The following B4GALNT2 variants were observed in gnomAD, a reference collection of about 807,000 sequenced individuals.
B4GALNT2 encodes the protein beta-1,4-N-acetyl-galactosaminyltransferase 2 (SID blood group), also known as N-acetylneuraminylgalactosylglucosyl-glucoside beta-1,4-N- acetylgalactosaminyltransferase 2.
In B4GALNT2, 42 loss-of-function variants were observed where a neutral mutation model predicts 51.1. The ratio of observed to expected loss-of-function variants is 0.82; its 90% CI spans 0.64 to 1.06. B4GALNT2 has a LOEUF of 1.06. Ranked by LOEUF, B4GALNT2 falls within the 50% of genes least tolerant of loss-of-function variation. The pLI is 0.00. For missense variants in B4GALNT2, 602 were observed against 633.6 expected (o/e 0.95, Z 0.54); for synonymous variants, 253 against 251.7 (o/e 1.01, Z -0.05).
intron 1 of B4GALNT2, among the ~76,000 whole-genome samples, chr17:49,134,024 G>T (rs1253356526): frequency 6.6e-6 from 1 of 152,180 alleles, no homozygotes; most frequent in Admixed American, 6.5e-5. Context: ...ATCCATCCAC[G>T]TCCTTGGCTA....
intron 1 of B4GALNT2, among the ~76,000 whole-genome samples, chr17:49,140,341 C>T (rs550042876): frequency 1.3e-5 from 2 of 152,254 alleles, no homozygotes; most frequent in East Asian, 3.9e-4. Context: ...ACCTCGTGAT[C>T]CACCCGCCTT....
intron 1 of B4GALNT2, among the ~76,000 whole-genome samples, chr17:49,136,399 C>T (rs971202790): frequency 6.6e-6 from 1 of 151,778 alleles, no homozygotes; most frequent in Non-Finnish European, 1.5e-5. Context: ...TTCAGGCATA[C>T]AATCGAATAA....
At chr17:49,139,969 T>C (rs1332746369) in intron 1 of B4GALNT2, among the ~76,000 whole-genome samples, 3 of 151,462 alleles carry the variant, frequency 2.0e-5, no homozygotes, top group Admixed American at 6.6e-5. Flanking sequence ...ATGAATAGAT[T>C]GAGATACCTT....
intron 3 of B4GALNT2, among the ~76,000 whole-genome samples, chr17:49,145,985 A>T (rs868534455): frequency 5.3e-5 from 8 of 152,180 alleles, no homozygotes; most frequent in African/African-American, 1.7e-4. Flanking sequence ...CCAGCAGAAC[A>T]TAATGTTGCG....
At chr17:49,142,268 A>G in intron 3 of B4GALNT2, 96 bp downstream of exon 3, 1 of 1,492,972 alleles carries the variant, frequency 6.7e-7, no homozygotes, top group Non-Finnish European at 9.1e-7. Flanking sequence ...AGCAGGAAGG[A>G]ATTCTCTCTC....
At chr17:49,128,581 A>G (rs1401753412), upstream of B4GALNT2, among the ~76,000 whole-genome samples, 3 of 152,176 alleles carry the variant, frequency 2.0e-5, no homozygotes, top group Non-Finnish European at 4.4e-5. Flanking sequence ...AAGTAGAAGA[A>G]AGCCTGGCCT....
chr17:49,144,129 G>A (rs1248493158), intron 3 of B4GALNT2, among the ~76,000 whole-genome samples: 5 of 152,012 alleles, frequency 3.3e-5, no homozygotes, highest in Non-Finnish European at 7.4e-5. Context: ...CTCCAGTCTG[G>A]GTGACAGAGT....
chr17:49,133,400 T>C (rs1700268003), intron 1 of B4GALNT2, among the ~76,000 whole-genome samples: 1 of 151,932 alleles, frequency 6.6e-6, no homozygotes, highest in African/African-American at 2.4e-5. Flanking sequence ...CTCTACGGAG[T>C]GATATAATAA....
At chr17:49,165,455 ACTCT>A (rs1416436328) in intron 8 of B4GALNT2, among the ~76,000 whole-genome samples, 1 of 34,512 alleles carries the variant, frequency 2.9e-5, no homozygotes, top group Non-Finnish European at 5.2e-5. Flanking sequence ...CTCACTCCCC[ACTCT>A]CTCTTTCTCT....
rs554531643 is a variant in B4GALNT2 at position 49,142,250 on chromosome 17, A to C, written c.353+78A>C. ...CTATGTCCTGAGGTTGTGAATCTTA[A>C]GAGAAAAAGCAGGAAGGAATTCTCT... On this transcript the variant is annotated intron_variant, in intron 3 of 10. Transcript: ENST00000393354. 4.1e-3 allele frequency: 6,409 copies of C among 1,561,398 alleles called. 54 individuals carry two copies. Among genetic ancestry groups the C allele is most frequent in the Middle Eastern group, 0.019 (112 of 5,852 alleles).
At chr17:49,125,820 TA>T in the B4GALNT2 span, among the ~76,000 whole-genome samples, 1 of 17,818 alleles carries the variant, frequency 5.6e-5, no homozygotes, top group Admixed American at 5.5e-4. Context: ...CGGCCGCCCC[TA>T]CTGGGAAGTG....
At chr17:49,155,730 T>C (rs2042803303) in intron 4 of B4GALNT2, among the ~76,000 whole-genome samples, 1 of 151,048 alleles carries the variant, frequency 6.6e-6, no homozygotes, top group African/African-American at 2.4e-5. Context: ...TTTGTTTTTG[T>C]TTTTGTTTTT....
chr17:49,168,890 G>T lies in B4GALNT2; in HGVS notation c.1305G>T (p.Val435=). ...RVGFDPRLQR[V]AHSEFFIDGL... ...GCTTTGATCCCCGCCTGCAACGAGT[G>T]GCTCACTCAGGTGGGAAGGCTGAAA... Residue 435 remains valine (V), a synonymous_variant, in exon 10 of 11, where the codon GTG becomes GTT. Coordinates refer to ENST00000393354, the MANE Select transcript of B4GALNT2 (RefSeq NM_001159387.2). The T allele has an allele frequency of 6.2e-7, 1 of 1,612,198 alleles. No homozygotes were observed. Among genetic ancestry groups the T allele is most frequent in the South Asian group, 1.1e-5 (1 of 90,904 alleles).
intron 5 of B4GALNT2, among the ~76,000 whole-genome samples, chr17:49,156,821 G>A (rs1402192277): frequency 6.6e-6 from 1 of 152,196 alleles, no homozygotes; most frequent in African/African-American, 2.4e-5. Flanking sequence ...TGAAGAATGG[G>A]ACCCACTGGC....
rs2042982579 is a variant in B4GALNT2 at position 49,175,645 on chromosome 17, G to A, written c.*5917G>A. 6.6e-6 allele frequency: 1 copy of A among 152,190 alleles called. No individual in the cohort carries two copies. The highest frequency in any genetic ancestry group is 6.5e-5 in the Admixed American group (1 of 15,284). 9.4% of individuals were successfully genotyped at this position (152,190 alleles called of 1,614,324 possible). ...TGGGGGACAGACATTGTACAGGGGT[G>A]AGGGAGTGAGCTATAATATTTCCCT... On this transcript the variant is annotated 3_prime_UTR_variant, in exon 11 of 11. Coordinates refer to ENST00000393354, the MANE Select transcript of B4GALNT2 (RefSeq NM_001159387.2).
the B4GALNT2 span, among the ~76,000 whole-genome samples, chr17:49,122,343 G>A: frequency 1.3e-5 from 2 of 152,180 alleles, no homozygotes; most frequent in Admixed American, 6.5e-5. Context: ...GAGGTGGCAT[G>A]TTCTTTCTAG....
chr17:49,165,217 T>A (rs1287850676), intron 8 of B4GALNT2, among the ~76,000 whole-genome samples: 1 of 151,942 alleles, frequency 6.6e-6, no homozygotes, highest in Non-Finnish European at 1.5e-5. Flanking sequence ...AAATCTGTCA[T>A]CTCCATGATT....
intron 1 of B4GALNT2, among the ~76,000 whole-genome samples, chr17:49,135,256 CTTAT>C (rs1273949367): frequency 6.6e-6 from 1 of 152,198 alleles, no homozygotes; most frequent in Non-Finnish European, 1.5e-5. Context: ...GTTCCATTCA[CTTAT>C]TTGCTTATTC....
rs1188947128 is a variant in B4GALNT2 at position 49,175,324 on chromosome 17, TC to T, written c.*5600del. On this transcript the variant is annotated 3_prime_UTR_variant, in exon 11 of 11. Coordinates refer to ENST00000393354, the MANE Select transcript of B4GALNT2 (RefSeq NM_001159387.2). Reference sequence around the variant, plus strand: ...TCTCCTATTCGTTTAATTTCACTTTTCCCCATTTCCACATACGGCACAATCA... The same window carrying T: ...TCTCCTATTCGTTTAATTTCACTTTTCCCATTTCCACATACGGCACAATCA... 6.6e-6 allele frequency: 1 copy of T among 152,174 alleles called. No individual in the cohort carries two copies. Among genetic ancestry groups the T allele is most frequent in the Non-Finnish European group, 1.5e-5 (1 of 68,046 alleles). 9.4% of individuals were successfully genotyped at this position (152,174 alleles called of 1,614,324 possible).
Sources: allele counts gnomAD v4.1 joint callset (sites outside exome capture counted in the v4.1 genomes callset), GRCh38; gene constraint gnomAD v4.1.1; transcripts MANE v1.5; gene names NCBI Gene and HGNC (gene_info 2026-07-23, HGNC 2026-07-21).